HNRNPAB: variants seen among roughly 807,000 people sequenced by gnomAD.
The protein encoded by HNRNPAB is heterogeneous nuclear ribonucleoprotein A/B.
Under a neutral mutation model 44.1 loss-of-function variants are expected in HNRNPAB, and 17 were observed. The ratio of observed to expected loss-of-function variants is 0.39; its 90% confidence interval spans 0.26 to 0.58. The LOEUF (loss-of-function observed/expected upper bound fraction) is 0.58, where lower values mean the gene tolerates loss of function less well. Ranked by LOEUF, HNRNPAB falls within the 20% of genes least tolerant of loss-of-function variation. The pLI, the probability that HNRNPAB is intolerant of heterozygous loss-of-function variation, is 0.63. For synonymous variants in HNRNPAB, 183 were observed against 167.6 expected (o/e 1.09, Z -0.71); for missense variants, 393 against 432.7 (o/e 0.91, Z 0.81).
rs1435380389 is a variant in HNRNPAB, at chr5:178,210,687, T to G, written c.*64T>G. 12 of 1,287,014 alleles carry G rather than the reference T, an allele frequency of 9.3e-6. No homozygotes were observed. The Admixed American group carries it at 2.0e-4, about 22-fold the overall frequency. 79.7% of individuals were successfully genotyped at this position (1,287,014 alleles called of 1,614,324 possible). A position where few individuals can be genotyped will look rare whatever the true frequency, so the allele number is the denominator to read the frequency against. ...TTGTTTGGATATGGAGTGAACACAA[T>G]TATGTACCAAATTTAACTTGGCAAA... On this transcript the variant is annotated 3_prime_UTR_variant, in exon 8 of 8. Transcript: ENST00000358344.
At chr5:178,205,660 C>T (rs772138709) in intron 2 of HNRNPAB, 182 bp from the exon 3 acceptor site, 2 of 596,726 alleles carry the variant, frequency 3.4e-6, no homozygotes, top group Non-Finnish European at 6.0e-6. Context: ...TGTTAAGCCT[C>T]GTTAGGGTCC....
At chr5:178,206,106 A>G (rs1757045636) in intron 3 of HNRNPAB, 96 bp downstream of exon 3, 2 of 1,261,426 alleles carry the variant, frequency 1.6e-6, no homozygotes, top group Non-Finnish European at 1.1e-6. Context: ...TGTGGTCTGC[A>G]TGTGATTTAA....
At chr5:178,209,170 C>T (rs1016333975) in intron 5 of HNRNPAB, among the ~76,000 whole-genome samples, 160 bp from the exon 6 acceptor site, 11 of 152,218 alleles carry the variant, frequency 7.2e-5, no homozygotes, top group African/African-American at 2.7e-4. Context: ...GTTGGGATTC[C>T]ATGAGCTTTA....
rs949684474 is a variant in HNRNPAB at position 178,210,756 on chromosome 5, C to T, written c.*133C>T. 5 of 712,780 alleles carry T rather than the reference C, an allele frequency of 7.0e-6. No individual in the cohort carries two copies. The highest frequency in any genetic ancestry group is 2.5e-6 in the Non-Finnish European group (1 of 403,392). 44.2% of individuals were successfully genotyped at this position (712,780 alleles called of 1,614,324 possible). Reference sequence around the variant, plus strand: ...ATGTGCATCTTATTTAAAATTTCCCCCATGGAAATCACTCTCCTGTTGACT... The same window carrying T: ...ATGTGCATCTTATTTAAAATTTCCCTCATGGAAATCACTCTCCTGTTGACT... On this transcript the variant is annotated 3_prime_UTR_variant, in exon 8 of 8. Coordinates refer to ENST00000358344, the MANE Select transcript of HNRNPAB (RefSeq NM_031266.3).
chr5:178,206,982 G>A, intron 4 of HNRNPAB, 92 bp downstream of exon 4: 1 of 1,585,564 alleles, frequency 6.3e-7, no homozygotes, highest in Non-Finnish European at 8.6e-7. Context: ...ACCCTCCCAG[G>A]CAGGGCTTAT....
chr5:178,204,942 C>A lies in HNRNPAB; in HGVS notation c.105C>A (p.Gly35=). ...EGESPAGAGT[G]AAAGAGGATA... ...AGTCGCCGGCCGGGGCTGGCACGGG[C>A]GCCGCGGCGGGGGCTGGAGGCGCGA... is the stretch of plus-strand genomic sequence containing the variant. The change falls in exon 2 of 8, where the codon GGC becomes GGA. Residue 35 remains glycine (G), a synonymous_variant. Transcript: ENST00000358344. 1 of 1,210,304 alleles carries A rather than the reference C, an allele frequency of 8.3e-7. No homozygotes were observed. 75.0% of individuals were successfully genotyped at this position (1,210,304 alleles called of 1,614,324 possible).
chr5:178,207,331 A>C, intron 5 of HNRNPAB, 106 bp downstream of exon 5: 1 of 1,338,040 alleles, frequency 7.5e-7, no homozygotes, highest in East Asian at 2.3e-5. Flanking sequence ...CAGGTTGGTC[A>C]GACTTTACTA....
Position 178,209,081 on chromosome 5 carries a change from G to A in HNRNPAB, c.670-249G>A, listed in dbSNP as rs78891792. ...CCAGTTGCCTGCCTCCATTAGATAC[G>A]GAGTTGCTCTGGGGCTGAGATGCCC... On this transcript the variant is annotated intron_variant, in intron 5 of 7. Transcript: ENST00000358344. 5.8e-3 allele frequency among the ~76,000 whole-genome samples: 883 copies of A among 152,304 alleles called. 6 individuals carry two copies. Among genetic ancestry groups the A allele is most frequent in the Non-Finnish European group, 0.01 (708 of 68,032 alleles).
intron 5 of HNRNPAB, chr5:178,208,645 G>A (rs1259356992): frequency 6.6e-6 from 1 of 152,154 alleles, no homozygotes; most frequent in Non-Finnish European, 1.5e-5. Context: ...GAAATACACT[G>A]GTCTGGTCTA....
chr5:178,210,281 G>C lies in HNRNPAB; in HGVS notation c.928+9G>C. Reference sequence around the variant, plus strand: ...CCCCGGCTACGACTACAGTAAGTAGGAGAGAGGGAGGCCCCATCCGCTCAC... The same window carrying C: ...CCCCGGCTACGACTACAGTAAGTAGCAGAGAGGGAGGCCCCATCCGCTCAC... On this transcript the variant is annotated intron_variant, in intron 7 of 7. Transcript: ENST00000358344. The C allele has an allele frequency of 6.2e-7, 1 of 1,614,150 alleles. No individual in the cohort carries two copies. The highest frequency in any genetic ancestry group is 8.5e-7 in the Non-Finnish European group (1 of 1,180,016).
rs1343006056 is a variant in HNRNPAB at position 178,210,187 on chromosome 5, C to G, written c.843C>G (p.Gly281=). ...GCAACTACTGGAACCAGGGCTACGG[C>G]TACCAGCAGGGCTACGGGCCTGGCT... ...GYGNYWNQGY[G]YQQGYGPGYG... Residue 281 remains glycine, a synonymous_variant, in exon 7 of 8, where the codon GGC becomes GGG. Transcript: ENST00000358344. 6.2e-7 allele frequency: 1 copy of G among 1,613,118 alleles called. No individual in the cohort carries two copies.
intron 5 of HNRNPAB, among the ~76,000 whole-genome samples, chr5:178,207,446 TAGG>T (rs1323608203): frequency 4.6e-5 from 7 of 151,982 alleles, no homozygotes; most frequent in African/African-American, 7.3e-5. Flanking sequence ...GTGAGGGAGG[TAGG>T]AGAAGGTGGC....
chr5:178,209,523 C>A, intron 6 of HNRNPAB, 76 bp downstream of exon 6: 1 of 1,294,894 alleles, frequency 7.7e-7, no homozygotes. Context: ...TTGGGGCTCC[C>A]TCTGGTGCTG....
At chr5:178,207,846 G>A (rs540337966) in intron 5 of HNRNPAB, among the ~76,000 whole-genome samples, 1 of 151,926 alleles carries the variant, frequency 6.6e-6, no homozygotes, top group African/African-American at 2.4e-5. Flanking sequence ...GGGACCACAG[G>A]CATGTACCAC....
At chr5:178,209,724 G>A (rs981778071) in intron 6 of HNRNPAB, among the ~76,000 whole-genome samples, 1 of 152,136 alleles carries the variant, frequency 6.6e-6, no homozygotes, top group African/African-American at 2.4e-5. Flanking sequence ...CTTTGTGGAT[G>A]TCCTGAGTCT....
intron 2 of HNRNPAB, 102 bp from the exon 3 acceptor site, chr5:178,205,740 G>T (rs967408491): frequency 9.3e-7 from 1 of 1,076,820 alleles, no homozygotes; most frequent in Non-Finnish European, 1.4e-6. Context: ...AGACTCTAAG[G>T]GTAGCTGTAG....
chr5:178,210,043 C>T, intron 6 of HNRNPAB, 89 bp from the exon 7 acceptor site: 1 of 1,557,494 alleles, frequency 6.4e-7, no homozygotes, highest in Non-Finnish European at 8.7e-7. Context: ...CACAGTAACC[C>T]TGCCACCCCA....
chr5:178,207,016 G>A lies in HNRNPAB; in HGVS notation c.538-78G>A, dbSNP rs1757094283. 1.4e-5 allele frequency: 22 copies of A among 1,591,112 alleles called. No individual in the cohort carries two copies. In the African/African-American group the frequency reaches 1.9e-4, roughly 14 times the overall value. ...ATTTTTCACCCTCTGTCTTCAATGG[G>A]GTCTTTTCTCCTGTGAGTCCCCTAT... On this transcript the variant is annotated intron_variant, in intron 4 of 7. Coordinates refer to ENST00000358344, the MANE Select transcript of HNRNPAB (RefSeq NM_031266.3).
In HNRNPAB at chr5:178,210,816, G is replaced by C; in HGVS notation, c.*193G>C. 1 of 604,638 alleles carries C rather than the reference G, an allele frequency of 1.7e-6. No individual in the cohort carries two copies. The highest frequency in any genetic ancestry group is 3.0e-6 in the Non-Finnish European group (1 of 336,754). 37.5% of individuals were successfully genotyped at this position (604,638 alleles called of 1,614,324 possible). ...GCTCTAGGTGTTTAGGCAGCGTGTG[G>C]TGTCTGAGAGGCCATAGCGCCATCA... On this transcript the variant is annotated 3_prime_UTR_variant, in exon 8 of 8. Transcript: ENST00000358344.
Sources: allele counts gnomAD v4.1 joint callset (sites outside exome capture counted in the v4.1 genomes callset), GRCh38; gene constraint gnomAD v4.1.1; transcripts MANE v1.5; gene names NCBI Gene and HGNC (gene_info 2026-07-23, HGNC 2026-07-21).